Variants in CDH6 observed in about 807,000 individuals in gnomAD.
The protein encoded by CDH6 is cadherin 6, also known as cadherin-6.
A neutral mutation model predicts 78.0 loss-of-function variants in CDH6; 31 were observed. The ratio of observed to expected loss-of-function variants is 0.40; its 90% CI spans 0.30 to 0.54. The LOEUF (loss-of-function observed/expected upper bound fraction) is 0.54, where lower values mean the gene tolerates loss of function less well. CDH6 is among the 20% of genes least tolerant of loss of function. CDH6 has a pLI of 0.56. For synonymous variants in CDH6, 376 were observed against 368.8 expected (o/e 1.02, Z -0.23); for missense variants, 724 against 975.9 (o/e 0.74, Z 3.44).
chr5:31,271,455 A>G (rs942222330), intron 2 of CDH6, among the ~76,000 whole-genome samples: 3 of 152,196 alleles, frequency 2.0e-5, no homozygotes, highest in African/African-American at 7.2e-5. Flanking sequence ...TGCCAGTGAG[A>G]TGAATGCAGA....
Position 31,327,822 on chromosome 5 carries a change from C to A in CDH6, c.*4514C>A, listed in dbSNP as rs574243426. 280 of 213,642 alleles carry A rather than the reference C, an allele frequency of 1.3e-3. 7 individuals are homozygous for A. Among genetic ancestry groups the A allele is most frequent in the Middle Eastern group, 7.8e-3 (5 of 644 alleles). 13.2% of individuals were successfully genotyped at this position (213,642 alleles called of 1,614,324 possible). A position where few individuals can be genotyped will look rare whatever the true frequency, so the allele number is the denominator to read the frequency against. On this transcript the variant is annotated 3_prime_UTR_variant, in exon 12 of 12. Coordinates refer to ENST00000265071, the MANE Select transcript of CDH6 (RefSeq NM_004932.4). ...ACCATATTTAATGTGGAGAGCAATA[C>A]CCTCTTAGAAAGAAAATACATTGAC... is the stretch of plus-strand genomic sequence containing the variant.
At position 31,294,128 on chromosome 5, in the gene CDH6, A is replaced by G. The variant is rs1381001285; in HGVS notation, c.395A>G (p.Asn132Ser). The G allele has an allele frequency of 5.0e-6, 8 of 1,613,850 alleles. No individual in the cohort carries two copies. Among genetic ancestry groups the G allele is most frequent in the Non-Finnish European group, 6.8e-6 (8 of 1,179,942 alleles). ...PVYILRAQAI[N>S]RRTGRPVEPE... ...TACATCCTTCGAGCTCAAGCTATAA[A>G]CAGAAGGACAGGGAGACCCGTGGAG... The change falls in exon 3 of 12, where the codon AAC becomes AGC. Residue 132 changes from asparagine (N) to serine (S), a missense_variant. Transcript: ENST00000265071. This position sits in a 1 kb window ranked among gnomAD's most constrained non-coding sequence, Gnocchi z 4.1.
At chr5:31,250,528 TCCAGCC>T (rs1424286258) in intron 1 of CDH6, 1 of 152,928 alleles carries the variant, frequency 6.5e-6, no homozygotes, top group African/African-American at 2.4e-5. Context: ...CTGGCTCCTT[TCCAGCC>T]CCCACACCAA....
chr5:31,265,295 C>T (rs1189510560), intron 1 of CDH6, among the ~76,000 whole-genome samples: 1 of 152,162 alleles, frequency 6.6e-6, no homozygotes, highest in Non-Finnish European at 1.5e-5. Context: ...CATTCCACCC[C>T]TGTACCAAGG....
intron 1 of CDH6, among the ~76,000 whole-genome samples, chr5:31,221,919 T>C (rs911673072): frequency 3.9e-5 from 6 of 152,142 alleles, no homozygotes; most frequent in African/African-American, 1.4e-4. Flanking sequence ...AAAGTGGGGA[T>C]CAAATCTGCT....
intron 1 of CDH6, among the ~76,000 whole-genome samples, chr5:31,228,715 A>T (rs1741232545): frequency 6.6e-6 from 1 of 152,344 alleles, no homozygotes; most frequent in East Asian, 1.9e-4. Context: ...TGCGCAGTTC[A>T]CAATAGGGTT....
rs191113801 is a variant in CDH6, at chr5:31,250,084, C to T, written c.-128-17262C>T. 4.1e-4 allele frequency: 63 copies of T among 152,406 alleles called. 1 individual carries two copies. Among genetic ancestry groups the T allele is most frequent in the Admixed American group, 3.7e-3 (56 of 15,294 alleles). 9.4% of individuals were successfully genotyped at this position (152,406 alleles called of 1,614,324 possible). On this transcript the variant is annotated intron_variant, in intron 1 of 11. Coordinates refer to ENST00000265071, the MANE Select transcript of CDH6 (RefSeq NM_004932.4). ...AGTCTACTGGGGTCTGGATTGGGGT[C>T]GATTTCCTGGAATTGCTATCAGGGA...
At position 31,325,172 on chromosome 5, in the gene CDH6, T is replaced by C. The variant is rs1315383954; in HGVS notation, c.*1864T>C. On this transcript the variant is annotated 3_prime_UTR_variant, in exon 12 of 12. Coordinates refer to ENST00000265071, the MANE Select transcript of CDH6 (RefSeq NM_004932.4). ...AGTATTTTGGGTTACCTGATTAGAG[T>C]GAAAATTTTTTACAATCATATTATT... The C allele has an allele frequency of 4.4e-6, 1 of 228,340 alleles. No homozygotes were observed. Among genetic ancestry groups the C allele is most frequent in the Non-Finnish European group, 8.7e-6 (1 of 115,056 alleles). The allele number at this position is 228,340 out of a possible 1,614,324, so 14.1% of individuals were successfully genotyped here.
intron 7 of CDH6, among the ~76,000 whole-genome samples, chr5:31,306,025 C>T (rs1561068101): frequency 6.6e-6 from 1 of 152,016 alleles, no homozygotes; most frequent in Non-Finnish European, 1.5e-5. Context: ...AGCTGAATAA[C>T]CTGGGATTAT....
intron 1 of CDH6, among the ~76,000 whole-genome samples, chr5:31,264,912 C>A (rs1742300495): frequency 6.6e-6 from 1 of 152,118 alleles, no homozygotes; most frequent in Admixed American, 6.6e-5. Context: ...ATTCAAGTGG[C>A]AACAGCTTGT....
chr5:31,317,533 A>G (rs749540481), intron 10 of CDH6, 41 bp downstream of exon 10: 2 of 1,517,764 alleles, frequency 1.3e-6, no homozygotes, highest in Non-Finnish European at 1.8e-6. Flanking sequence ...ATCTCCATCT[A>G]TATCCGTAAC....
chr5:31,268,756 C>T (rs997690458), intron 2 of CDH6, among the ~76,000 whole-genome samples: 1 of 152,180 alleles, frequency 6.6e-6, no homozygotes, highest in Admixed American at 6.5e-5. Flanking sequence ...GCTGCATGTT[C>T]ACACTTCAAT....
chr5:31,272,279 A>G (rs781042011), intron 2 of CDH6, among the ~76,000 whole-genome samples: 2 of 152,204 alleles, frequency 1.3e-5, no homozygotes, highest in African/African-American at 2.4e-5. Flanking sequence ...GAGTCCTAAC[A>G]CTGACACAGA....
intron 1 of CDH6, among the ~76,000 whole-genome samples, chr5:31,213,802 A>G (rs907755301): frequency 6.6e-6 from 1 of 152,020 alleles, no homozygotes; most frequent in Admixed American, 6.6e-5. Flanking sequence ...TGATTTGTCA[A>G]TTACCTCCTT....
Position 31,267,631 on chromosome 5 carries a change from G to C in CDH6, c.158G>C (p.Arg53Thr). 6.2e-7 allele frequency: 1 copy of C among 1,614,160 alleles called. No individual in the cohort carries two copies. Among genetic ancestry groups the C allele is most frequent in the Non-Finnish European group, 8.5e-7 (1 of 1,180,034 alleles). ...NSKNELNRSK[R>T]SWMWNQFFLL... Reference sequence around the variant, plus strand: ...AAAAATGAGCTGAACCGTTCAAAAAGGAGCTGGATGTGGAATCAGTTCTTT... The same window carrying C: ...AAAAATGAGCTGAACCGTTCAAAAACGAGCTGGATGTGGAATCAGTTCTTT... Residue 53 changes from arginine to threonine, a missense_variant, in exon 2 of 12, where the codon AGG (arginine) becomes ACG (threonine). Arg to Thr is a moderately conservative substitution (Grantham distance 71). Coordinates refer to ENST00000265071, the MANE Select transcript of CDH6 (RefSeq NM_004932.4).
chr5:31,214,648 T>G (rs1023564544), intron 1 of CDH6, among the ~76,000 whole-genome samples: 1 of 152,216 alleles, frequency 6.6e-6, no homozygotes, highest in Non-Finnish European at 1.5e-5. Context: ...TACATTTCTG[T>G]AAGCCTTTAT....
chr5:31,311,139 A>G (rs760448259), intron 7 of CDH6, among the ~76,000 whole-genome samples: 1 of 152,240 alleles, frequency 6.6e-6, no homozygotes, highest in South Asian at 2.1e-4. Flanking sequence ...ACATATGAGC[A>G]TACACTTTAA....
chr5:31,211,132 T>C (rs958680848), intron 1 of CDH6, among the ~76,000 whole-genome samples: 2 of 152,054 alleles, frequency 1.3e-5, no homozygotes, highest in East Asian at 1.9e-4. Context: ...AATACATCAC[T>C]GTCCAAAAGG....
chr5:31,208,741 TG>T lies in CDH6; in HGVS notation c.-129+14856del, dbSNP rs61009774. Reference sequence around the variant, plus strand: ...AAAAACTATGGAAAACCCTTATGTATGTGTTTCATGAGCAAAATTACCTTTG... The same window carrying T: ...AAAAACTATGGAAAACCCTTATGTATTGTTTCATGAGCAAAATTACCTTTG... On this transcript the variant is annotated intron_variant, in intron 1 of 11. Coordinates refer to ENST00000265071, the MANE Select transcript of CDH6 (RefSeq NM_004932.4). Among the ~76,000 whole-genome samples, 1,452 of 152,348 alleles carry T rather than the reference TG, an allele frequency of 9.5e-3. 32 individuals are homozygous for T. The highest frequency in any genetic ancestry group is 0.033 in the African/African-American group (1,374 of 41,568).
Sources: allele counts gnomAD v4.1 joint callset (sites outside exome capture counted in the v4.1 genomes callset), GRCh38; gene constraint gnomAD v4.1.1; non-coding constraint Gnocchi (gnomAD v3.1); transcripts MANE v1.5; gene names NCBI Gene and HGNC (gene_info 2026-07-23, HGNC 2026-07-21).